RIOK2: variants seen among roughly 807,000 people sequenced by gnomAD.
The protein encoded by RIOK2 is serine/threonine-protein kinase RIO2.
A neutral mutation model predicts 62.4 loss-of-function variants in RIOK2; 46 were observed. The ratio of observed to expected loss-of-function variants is 0.74; its 90% CI spans 0.58 to 0.94. The LOEUF (loss-of-function observed/expected upper bound fraction) is 0.94, where lower values mean the gene tolerates loss of function less well. Among genes scored for constraint, RIOK2 ranks in the 40% least tolerant of loss-of-function variants. RIOK2 has a pLI of 0.00. For missense variants in RIOK2, 574 were observed against 658.0 expected (o/e 0.87, Z 1.40); for synonymous variants, 197 against 216.0 (o/e 0.91, Z 0.77).
intron 5 of RIOK2, among the ~76,000 whole-genome samples, chr5:97,172,048 C>G (rs1489355786): frequency 6.6e-6 from 1 of 152,200 alleles, no homozygotes; most frequent in Non-Finnish European, 1.5e-5. Flanking sequence ...TCCTTCCTCA[C>G]AGATCATACC....
intron 2 of RIOK2, 110 bp downstream of exon 2, chr5:97,178,945 C>T (rs1276056056): frequency 9.0e-6 from 11 of 1,221,384 alleles, no homozygotes; most frequent in Non-Finnish European, 5.9e-6. Context: ...GTCAGTTCTT[C>T]GTCTAATGCT....
intron 8 of RIOK2, 59 bp downstream of exon 8, chr5:97,167,408 A>C (rs1195467631): frequency 1.3e-6 from 2 of 1,555,908 alleles, no homozygotes; most frequent in Non-Finnish European, 1.7e-6. Context: ...TTTTACTAGA[A>C]TCTAACAAAG....
At chr5:97,175,063 TA>T (rs1206885930) in intron 4 of RIOK2, among the ~76,000 whole-genome samples, 2 of 149,798 alleles carry the variant, frequency 1.3e-5, no homozygotes, top group African/African-American at 5.0e-5. Context: ...GTCTTGAAAA[TA>T]AATAAATAAA....
chr5:97,180,126 G>GTGTA (rs1554083581), intron 1 of RIOK2, among the ~76,000 whole-genome samples: 9 of 30,786 alleles, frequency 2.9e-4, no homozygotes, highest in Non-Finnish European at 1.5e-4. Flanking sequence ...ATGTGTATAT[G>GTGTA]TATATATATA....
intron 1 of RIOK2, among the ~76,000 whole-genome samples, chr5:97,179,804 G>T (rs1223330568): frequency 1.4e-5 from 1 of 73,794 alleles, no homozygotes; most frequent in Admixed American, 2.0e-4. Context: ...ACACACTGGG[G>T]CCTGTCGGGG....
chr5:97,169,667 A>T (rs961236156), intron 6 of RIOK2, among the ~76,000 whole-genome samples: 1 of 152,248 alleles, frequency 6.6e-6, no homozygotes, highest in Non-Finnish European at 1.5e-5. Context: ...AGACTATTTT[A>T]TATATGTTTA....
intron 1 of RIOK2, among the ~76,000 whole-genome samples, chr5:97,182,546 C>T (rs1325892981): frequency 6.6e-6 from 1 of 152,148 alleles, no homozygotes; most frequent in Non-Finnish European, 1.5e-5. Flanking sequence ...TCCTCTCCAC[C>T]AGATACATAT....
chr5:97,180,140 ATG>A (rs1315548545), intron 1 of RIOK2, among the ~76,000 whole-genome samples: 29 of 79,342 alleles, frequency 3.7e-4, no homozygotes, highest in South Asian at 3.4e-3. Context: ...ATATATATAT[ATG>A]TATATATATA....
At chr5:97,169,289 A>G (rs1197554670) in intron 6 of RIOK2, among the ~76,000 whole-genome samples, 1 of 152,236 alleles carries the variant, frequency 6.6e-6, no homozygotes, top group Non-Finnish European at 1.5e-5. Flanking sequence ...CGATAAAAAG[A>G]TATTAATATT....
rs139586061 is a variant in RIOK2, at chr5:97,177,280, C to T, written c.334G>A (p.Val112Ile). ...GVGKESDIYI[V>I]ANEEGQQFAL... is the part of the protein sequence containing the mutation. ...AATTGTTGTCCTTCTTCATTTGCAA[C>T]AATGTAAATATCTAGAGACAAAATT... Residue 112 changes from valine (V) to isoleucine (I), a missense_variant, in exon 4 of 10, where the codon GTT becomes ATT. Val to Ile is a conservative substitution (Grantham distance 29, BLOSUM62 3). Coordinates refer to ENST00000283109, the MANE Select transcript of RIOK2 (RefSeq NM_018343.3). The T allele has an allele frequency of 6.2e-7, 1 of 1,611,264 alleles. No individual in the cohort carries two copies. The highest frequency in any genetic ancestry group is 1.3e-5 in the African/African-American group (1 of 74,812).
chr5:97,181,549 G>C (rs971789527), intron 1 of RIOK2, among the ~76,000 whole-genome samples: 11 of 152,138 alleles, frequency 7.2e-5, no homozygotes, highest in African/African-American at 2.7e-4. Flanking sequence ...AGAGGCCCAA[G>C]AAAGGGTACC....
At chr5:97,180,027 AATATATATATT>A (rs1554083553) in intron 1 of RIOK2, among the ~76,000 whole-genome samples, 1 of 63,472 alleles carries the variant, frequency 1.6e-5, no homozygotes, top group Non-Finnish European at 3.0e-5. Flanking sequence ...ATATATATAT[AATATATATATT>A]ATATATATAT....
chr5:97,180,142 G>GTATGTATGTATA (rs1350504483), intron 1 of RIOK2, among the ~76,000 whole-genome samples: 4 of 96,072 alleles, frequency 4.2e-5, no homozygotes. Flanking sequence ...ATATATATAT[G>GTATGTATGTATA]TATATATATA....
In RIOK2 at chr5:97,183,152, G is replaced by A. The variant is rs1749472292; in HGVS notation, c.40C>T (p.Arg14Ter). The A allele has an allele frequency of 6.2e-7, 1 of 1,614,088 alleles. No individual in the cohort carries two copies. Among genetic ancestry groups the A allele is most frequent in the Non-Finnish European group, 8.5e-7 (1 of 1,179,986 alleles). ...VNVAKLRYMS[R>*]DDFRVLTAVE... is the part of the protein sequence containing the mutation. ...GCGGTCAAGACCCTGAAGTCATCTC[G>A]GCTCATGTAACGCAACTTGGCCACA... Residue 14 changes from arginine (R) to a stop codon, truncating the protein, a stop_gained, in exon 1 of 10, where the codon CGA becomes TGA. Coordinates refer to ENST00000283109, the MANE Select transcript of RIOK2 (RefSeq NM_018343.3). LOFTEE classifies it high-confidence loss of function.
chr5:97,182,934 TG>T (rs1294742604), intron 1 of RIOK2, 191 bp downstream of exon 1: 2 of 699,002 alleles, frequency 2.9e-6, no homozygotes, highest in African/African-American at 1.8e-5. Context: ...TTGCTCTATC[TG>T]GGGGAAGGTA....
chr5:97,173,195 T>A lies in RIOK2; in HGVS notation c.567A>T (p.Glu189Asp), dbSNP rs1348383120. 4 of 1,611,326 alleles carry A rather than the reference T, an allele frequency of 2.5e-6. No homozygotes were observed. The Admixed American group carries it at 6.7e-5, about 27-fold the overall frequency. ...IDYNRHAVVMELINGYPLCQI... is the reference protein window; with the variant it reads ...IDYNRHAVVMDLINGYPLCQI... ...CTTACAGTGGATAACCATTTATGAG[T>A]TCCATGACCACTGCATGACGATTGT... Residue 189 changes from glutamate (E) to aspartate (D), a missense_variant, in exon 5 of 10, where the codon GAA (glutamate) becomes GAT (aspartate). Glu to Asp is a conservative substitution (Grantham distance 45, BLOSUM62 2). Coordinates refer to ENST00000283109, the MANE Select transcript of RIOK2 (RefSeq NM_018343.3).
In RIOK2 at chr5:97,162,225, A is replaced by C. The variant is rs1183719085; in HGVS notation, c.*836T>G. 6.6e-6 allele frequency: 1 copy of C among 152,214 alleles called. No homozygotes were observed. The highest frequency in any genetic ancestry group is 2.4e-5 in the African/African-American group (1 of 41,454). 9.4% of individuals were successfully genotyped at this position (152,214 alleles called of 1,614,324 possible). A position where few individuals can be genotyped will look rare whatever the true frequency, so the allele number is the denominator to read the frequency against. On this transcript the variant is annotated 3_prime_UTR_variant, in exon 10 of 10. Coordinates refer to ENST00000283109, the MANE Select transcript of RIOK2 (RefSeq NM_018343.3). ...GAAGAGACAATAATCAGGTGCATAC[A>C]CTTAAGCACTCATCTTTACATCTCA...
At chr5:97,165,368 A>C (rs983670533) in intron 8 of RIOK2, among the ~76,000 whole-genome samples, 3 of 152,342 alleles carry the variant, frequency 2.0e-5, no homozygotes, top group Non-Finnish European at 2.9e-5. Flanking sequence ...TCACTATCAA[A>C]ATTTAAAAAC....
intron 2 of RIOK2, 58 bp from the exon 3 acceptor site, chr5:97,177,906 C>T (rs1035788111): frequency 8.6e-6 from 9 of 1,046,916 alleles, no homozygotes; most frequent in African/African-American, 4.8e-5. Flanking sequence ...AACCAAGTCA[C>T]GTAAGTTCAA....
Sources: allele counts gnomAD v4.1 joint callset (sites outside exome capture counted in the v4.1 genomes callset), GRCh38; gene constraint gnomAD v4.1.1; transcripts MANE v1.5; gene names NCBI Gene and HGNC (gene_info 2026-07-23, HGNC 2026-07-21).